The following BDP1 variants were observed in gnomAD, a reference collection of about 807,000 sequenced individuals.
BDP1 encodes transcription factor TFIIIB component B'' homolog.
In BDP1, 169 loss-of-function variants were observed where a neutral mutation model predicts 266.6. The observed-to-expected ratio is 0.63, with a 90% CI of 0.56 to 0.72. The LOEUF (loss-of-function observed/expected upper bound fraction) is 0.72. BDP1 is among the 30% of genes least tolerant of loss of function. The pLI, the probability that BDP1 is intolerant of heterozygous loss-of-function variation, is 0.00. For synonymous variants in BDP1, 1,090 were observed against 1,022.4 expected, an observed-to-expected ratio of 1.07 and a Z score of -1.26; for missense variants, 3,015 against 3,053.8, an observed-to-expected ratio of 0.99 and a Z score of 0.30.
At chr5:71,504,056 A>C (rs1030653340) in intron 15 of BDP1, among the ~76,000 whole-genome samples, 4 of 150,982 alleles carry the variant, frequency 2.6e-5, no homozygotes, top group African/African-American at 9.9e-5. Flanking sequence ...GCGGATCACG[A>C]GGTCAGGAGA....
At chr5:71,497,530 A>G (rs1330760648) in intron 13 of BDP1, 104 bp downstream of exon 13, 9 of 773,922 alleles carry the variant, frequency 1.2e-5, no homozygotes, top group Middle Eastern at 2.7e-4. Context: ...TGTTACTGAT[A>G]TTAAAACAGA....
intron 25 of BDP1, among the ~76,000 whole-genome samples, chr5:71,526,742 C>G (rs1227833850): frequency 5.7e-5 from 8 of 140,000 alleles, no homozygotes; most frequent in Non-Finnish European, 1.2e-4. Context: ...GTCTGGAGTG[C>G]AGTGGTGGGA....
At chr5:71,472,267 C>G (rs1476995389) in intron 7 of BDP1, among the ~76,000 whole-genome samples, 2 of 152,172 alleles carry the variant, frequency 1.3e-5, no homozygotes, top group Non-Finnish European at 2.9e-5. Context: ...TCAAGACCAG[C>G]CAGGCCAACA....
rs201462177 is a variant in BDP1, at chr5:71,495,239, C to CT, written c.1641-3dup. 5,143 of 1,494,024 alleles carry CT rather than the reference C, an allele frequency of 3.4e-3. 125 individuals carry two copies. The African/African-American group carries it at 0.058, about 17-fold the overall frequency. 92.5% of individuals were successfully genotyped at this position (1,494,024 alleles called of 1,614,324 possible). Reference sequence around the variant, plus strand: ...AATTCTTTTCTCTCTGAAATATTTTCTTTTTTTTAGTAATCAACAAGATGC... The same window carrying CT: ...AATTCTTTTCTCTCTGAAATATTTTCTTTTTTTTTAGTAATCAACAAGATGC... On this transcript the variant is annotated splice_polypyrimidine_tract_variant and intron_variant, in intron 11 of 38. Coordinates refer to ENST00000358731, the MANE Select transcript of BDP1 (RefSeq NM_018429.3).
Position 71,526,831 on chromosome 5 carries a change from G to A in BDP1, c.5772+2508G>A, listed in dbSNP as rs193250412. 6.6e-5 allele frequency among the ~76,000 whole-genome samples: 10 copies of A among 151,718 alleles called. No individual in the cohort carries two copies. The East Asian group carries it at 2.0e-3, about 30-fold the overall frequency. On this transcript the variant is annotated intron_variant, in intron 25 of 38. Coordinates refer to ENST00000358731, the MANE Select transcript of BDP1 (RefSeq NM_018429.3). Reference sequence around the variant, plus strand: ...GCCTCCTGTAGCTGGGACTACAGGTGTGCACCACCAAGCCTGATTAATTTT... The same window carrying A: ...GCCTCCTGTAGCTGGGACTACAGGTATGCACCACCAAGCCTGATTAATTTT...
rs869174435 is a variant in BDP1, at chr5:71,473,262, ATTTTTTTTTTTTTT to A, written c.1014+2790_1014+2803del. Among the ~76,000 whole-genome samples, 49 of 59,972 alleles carry A rather than the reference ATTTTTTTTTTTTTT, an allele frequency of 8.2e-4. 1 individual carries two copies. Among genetic ancestry groups the A allele is most frequent in the African/African-American group, 2.3e-3 (33 of 14,440 alleles). The allele number at this position is 59,972 out of a possible 152,430, so 39.3% of individuals were successfully genotyped here. A position where few individuals can be genotyped will look rare whatever the true frequency, so the allele number is the denominator to read the frequency against. On this transcript the variant is annotated intron_variant, in intron 7 of 38. Transcript: ENST00000358731. ...TAATGAACCAACTTTTCTTAATGTA[ATTTTTTTTTTTTTT>A]TTTTTTTTTTTTTTTTGAGATGGAG... is the stretch of plus-strand genomic sequence containing the variant.
intron 8 of BDP1, 29 bp from the exon 9 acceptor site, chr5:71,486,455 T>C (rs1763268744): frequency 1.3e-6 from 2 of 1,525,616 alleles, no homozygotes; most frequent in African/African-American, 1.5e-5. Context: ...AATAAAAACT[T>C]GAAAGTTCTT....
intron 14 of BDP1, among the ~76,000 whole-genome samples, chr5:71,501,896 C>T (rs1764262795): frequency 6.6e-6 from 1 of 151,700 alleles, no homozygotes; most frequent in Non-Finnish European, 1.5e-5. Context: ...AGTATATGCC[C>T]CTGGATAATT....
At chr5:71,475,767 T>G (rs1201574015) in intron 7 of BDP1, 1 of 154,920 alleles carries the variant, frequency 6.5e-6, no homozygotes, top group Non-Finnish European at 1.4e-5. Flanking sequence ...GCAGCTTACC[T>G]TTGCTCGGCT....
chr5:71,564,808 G>T lies in BDP1; in HGVS notation c.7798G>T (p.Ala2600Ser). 5 of 1,611,500 alleles carry T rather than the reference G, an allele frequency of 3.1e-6. No individual in the cohort carries two copies. The highest frequency in any genetic ancestry group is 4.2e-6 in the Non-Finnish European group (5 of 1,179,596). The change falls in exon 39 of 39, where the codon GCC becomes TCC. Residue 2600 changes from alanine (A) to serine (S), a missense_variant. By Grantham distance (99) the Ala-to-Ser change is moderately conservative. Around this residue, in one of 3 missense-constraint regions of BDP1, gnomAD observed 629 missense variants for 632.5 expected, o/e 0.99. Transcript: ENST00000358731. ...KEGYKSAQKR[A>S]PQGEATTVSE... The stretch of plus-strand genomic sequence containing the variant: ...AGGATATAAAAGTGCCCAAAAGCGG[G>T]CCCCTCAAGGGGAGGCAACCACAGT...
chr5:71,462,438 G>T (rs1761634932), intron 3 of BDP1, among the ~76,000 whole-genome samples: 1 of 152,102 alleles, frequency 6.6e-6, no homozygotes, highest in Admixed American at 6.6e-5. Flanking sequence ...GGTAGATTAT[G>T]CCCTTTATTT....
rs748779062 is a variant in BDP1 at position 71,509,803 on chromosome 5, C to T, written c.2711C>T (p.Ala904Val). The change falls in exon 17 of 39, where the codon GCA becomes GTA. Residue 904 changes from alanine to valine, a missense_variant. Coordinates refer to ENST00000358731, the MANE Select transcript of BDP1 (RefSeq NM_018429.3). ...ATAGAAATGGAGACAGGTCTGAAAGCAATGGGAAGAGAGATTTGTCTAAGG... is the reference window on the plus strand; with the variant it reads ...ATAGAAATGGAGACAGGTCTGAAAGTAATGGGAAGAGAGATTTGTCTAAGG... ...DTIEMETGLK[A>V]MGREICLREK... 1.9e-6 allele frequency: 3 copies of T among 1,613,950 alleles called. No homozygotes were observed. Among genetic ancestry groups the T allele is most frequent in the African/African-American group, 1.3e-5 (1 of 74,908 alleles).
At chr5:71,482,553 T>C (rs1216810766) in intron 7 of BDP1, among the ~76,000 whole-genome samples, 1 of 152,240 alleles carries the variant, frequency 6.6e-6, no homozygotes, top group African/African-American at 2.4e-5. Context: ...TCATGGAATT[T>C]GGCCTGTTAC....
chr5:71,532,263 G>C (rs1280904854), intron 25 of BDP1, 45 bp from the exon 26 acceptor site: 1 of 1,590,894 alleles, frequency 6.3e-7, no homozygotes, highest in Non-Finnish European at 8.6e-7. Context: ...TTGTTTTGCT[G>C]TTTATAATAT....
Position 71,522,804 on chromosome 5 carries a change from T to C in BDP1, c.5242T>C (p.Cys1748Arg), listed in dbSNP as rs771370407. 104 of 1,610,092 alleles carry C rather than the reference T, an allele frequency of 6.5e-5. No individual in the cohort carries two copies. In the Middle Eastern group the frequency reaches 8.3e-4, roughly 13 times the overall value. Residue 1748 changes from cysteine (C) to arginine (R), a missense_variant, in exon 24 of 39, where the codon TGT becomes CGT. Around this residue, in one of 3 missense-constraint regions of BDP1, gnomAD observed 2,383 missense variants for 2,404.9 expected, o/e 0.99. Coordinates refer to ENST00000358731, the MANE Select transcript of BDP1 (RefSeq NM_018429.3). Reference protein sequence around the residue: ...TSLEVSARKDCVGSKESALAK... With the variant: ...TSLEVSARKDRVGSKESALAK... Reference sequence around the variant, plus strand: ...TCTGGAGGTTTCAGCAAGAAAAGATTGTGTAGGTTCCAAAGAGTCTGCTTT... The same window carrying C: ...TCTGGAGGTTTCAGCAAGAAAAGATCGTGTAGGTTCCAAAGAGTCTGCTTT...
chr5:71,464,223 C>A, intron 4 of BDP1, 106 bp downstream of exon 4: 1 of 693,054 alleles, frequency 1.4e-6, no homozygotes, highest in Non-Finnish European at 2.4e-6. Context: ...GGGTTGGGCA[C>A]AGTGGTTCAC....
intron 4 of BDP1, 45 bp downstream of exon 4, chr5:71,464,162 A>C (rs1449976951): frequency 8.4e-7 from 1 of 1,193,352 alleles, no homozygotes; most frequent in Non-Finnish European, 1.2e-6. Context: ...ACATTTTTTA[A>C]GAAATGAGAT....
At chr5:71,530,529 C>T (rs1482263679) in intron 25 of BDP1, among the ~76,000 whole-genome samples, 2 of 152,064 alleles carry the variant, frequency 1.3e-5, no homozygotes, top group African/African-American at 4.8e-5. Context: ...CAGGCATGAG[C>T]TACCGTGCCT....
At chr5:71,473,830 T>A (rs945815387) in intron 7 of BDP1, among the ~76,000 whole-genome samples, 7 of 110,988 alleles carry the variant, frequency 6.3e-5, no homozygotes, top group African/African-American at 2.5e-4. Context: ...CCCTCCGCCC[T>A]CCCCCCACCC....
Sources: gnomAD v4.1 joint callset for allele counts (sites outside exome capture counted in the v4.1 genomes callset) on GRCh38, gnomAD v4.1.1 for gene constraint, gnomAD v4.1.1 regional missense constraint, MANE v1.5 for transcripts, NCBI Gene and HGNC (gene_info 2026-07-23, HGNC 2026-07-21) for gene names.